Variants in PAK4 observed in about 807,000 individuals in gnomAD.
PAK4 encodes the protein serine/threonine-protein kinase PAK 4.
A neutral mutation model predicts 53.5 loss-of-function variants in PAK4; 49 were observed. The ratio of observed to expected loss-of-function variants is 0.92; its 90% CI spans 0.73 to 1.16. PAK4 has a LOEUF of 1.16. Ranked by LOEUF, PAK4 falls within the 50% of genes most tolerant of loss-of-function variation. PAK4 has a pLI of 0.00. For synonymous variants in PAK4, 376 were observed against 375.6 expected (o/e 1.00, Z -0.01); for missense variants, 824 against 850.7 (o/e 0.97, Z 0.39).
chr19:39,135,672 C>G (rs963677890), intron 1 of PAK4, among the ~76,000 whole-genome samples: 7 of 152,006 alleles, frequency 4.6e-5, no homozygotes, highest in African/African-American at 1.7e-4. Flanking sequence ...CGCTGGGGCC[C>G]AGCGACTGAA....
At chr19:39,154,011 G>C (rs961248526) in intron 1 of PAK4, among the ~76,000 whole-genome samples, 1 of 152,144 alleles carries the variant, frequency 6.6e-6, no homozygotes, top group Admixed American at 6.5e-5. Flanking sequence ...AGTATTGTTC[G>C]ATGTTTTTGC....
intron 1 of PAK4, among the ~76,000 whole-genome samples, chr19:39,136,989 C>T (rs540675956): frequency 1.3e-3 from 200 of 152,184 alleles, no homozygotes; most frequent in Middle Eastern, 6.8e-3. Flanking sequence ...ACAGGTAGGT[C>T]GGTTCTTGGG....
chr19:39,162,365 C>T (rs1203226019), intron 1 of PAK4, among the ~76,000 whole-genome samples: 1 of 152,210 alleles, frequency 6.6e-6, no homozygotes, highest in Non-Finnish European at 1.5e-5. Context: ...GGGTGATTCT[C>T]CCGCCTCAGC....
chr19:39,132,795 T>C (rs1260047098), intron 1 of PAK4, among the ~76,000 whole-genome samples: 1 of 152,242 alleles, frequency 6.6e-6, no homozygotes, highest in Non-Finnish European at 1.5e-5. Flanking sequence ...CACCGGGGTT[T>C]CCTCACTCCC....
intron 1 of PAK4, among the ~76,000 whole-genome samples, chr19:39,149,975 T>C (rs2074066605): frequency 6.6e-6 from 1 of 152,234 alleles, no homozygotes; most frequent in African/African-American, 2.4e-5. Context: ...ATAGTTTTTG[T>C]TGGAATGATA....
intron 2 of PAK4, among the ~76,000 whole-genome samples, chr19:39,170,652 G>T (rs1011134773): frequency 3.3e-5 from 5 of 152,238 alleles, no homozygotes; most frequent in African/African-American, 1.2e-4. Context: ...GTGGAGATGG[G>T]TGTGCCTGGG....
At chr19:39,163,574 G>A (rs2074319562) in intron 1 of PAK4, among the ~76,000 whole-genome samples, 1 of 152,212 alleles carries the variant, frequency 6.6e-6, no homozygotes, top group Admixed American at 6.5e-5. Context: ...TGGAAAATCT[G>A]AAGTGTCTGC....
In PAK4 at chr19:39,155,772, C is replaced by T. The variant is rs910494866; in HGVS notation, c.-22-13760C>T. ...GGAGTCCCAGCGCCTGACCTCCCCT[C>T]GGGCATCAAGTCACTCCGCCTCTCC... On this transcript the variant is annotated intron_variant, in intron 1 of 8. Coordinates refer to ENST00000358301, the Ensembl canonical transcript of PAK4. 1.6e-4 allele frequency among the ~76,000 whole-genome samples: 25 copies of T among 152,260 alleles called. 1 individual carries two copies. The highest frequency in any genetic ancestry group is 9.1e-4 in the Admixed American group (14 of 15,304).
intron 1 of PAK4, among the ~76,000 whole-genome samples, chr19:39,162,836 G>A (rs1298135337): frequency 6.6e-6 from 1 of 152,180 alleles, no homozygotes; most frequent in East Asian, 1.9e-4. Context: ...GTGGGTGGGT[G>A]TGATCGGGTC....
In PAK4 at chr19:39,178,469, G is replaced by A. The variant is rs1470273258; in HGVS notation, c.1666G>A (p.Asp556Asn). Residue 556 changes from aspartate to asparagine, a missense_variant, in exon 9 of 9, where the codon GAC (aspartate) becomes AAC (asparagine). By Grantham distance (23) the Asp-to-Asn change is conservative. Coordinates refer to ENST00000358301, the Ensembl canonical transcript of PAK4. This position sits in a 1 kb window ranked among gnomAD's most constrained non-coding sequence, Gnocchi z 4.4. ...CTTCCTGGACCGCCTGCTGGTGCGA[G>A]ACCCTGCCCAGCGGGCCACGGCAGC... 1.2e-6 allele frequency: 2 copies of A among 1,607,528 alleles called. No individual in the cohort carries two copies. Among genetic ancestry groups the A allele is most frequent in the African/African-American group, 2.7e-5 (2 of 74,756 alleles).
intron 1 of PAK4, among the ~76,000 whole-genome samples, chr19:39,142,716 G>T (rs892010259): frequency 6.6e-6 from 1 of 152,188 alleles, no homozygotes; most frequent in Non-Finnish European, 1.5e-5. Flanking sequence ...TCCGCATCGC[G>T]TGGTGGTGAC....
At chr19:39,144,135 G>T (rs2073958877) in intron 1 of PAK4, among the ~76,000 whole-genome samples, 1 of 85,174 alleles carries the variant, frequency 1.2e-5, no homozygotes, top group African/African-American at 3.5e-5. Flanking sequence ...CAGACAGACA[G>T]ACAGACAGAT....
rs1029267817 is a variant in PAK4, at chr19:39,175,675, TGGGCCCA to T, written c.1359+241_1359+247del. 1.4e-4 allele frequency among the ~76,000 whole-genome samples: 21 copies of T among 152,120 alleles called. No homozygotes were observed. Among genetic ancestry groups the T allele is most frequent in the African/African-American group, 4.8e-4 (20 of 41,508 alleles). The stretch of plus-strand genomic sequence containing the variant: ...GGGCTCTGCCATCAGCACAGGACAC[TGGGCCCA>T]GGGGCAGGGATCTGGGCAGACAGCG... On this transcript the variant is annotated intron_variant, in intron 6 of 8. Transcript: ENST00000358301. The surrounding 1 kb of genome is among the most constrained non-coding windows in gnomAD (Gnocchi z 4.7).
intron 1 of PAK4, among the ~76,000 whole-genome samples, chr19:39,131,314 T>G (rs2073706089): frequency 6.6e-6 from 1 of 152,132 alleles, no homozygotes; most frequent in South Asian, 2.1e-4. Flanking sequence ...CTGGGTAGTT[T>G]CTGGGCGCTG....
At chr19:39,137,840 G>A (rs1282927369) in intron 1 of PAK4, among the ~76,000 whole-genome samples, 2 of 151,910 alleles carry the variant, frequency 1.3e-5, no homozygotes, top group African/African-American at 4.8e-5. Context: ...CTAATTTTTT[G>A]TGTTTTTAAT....
At chr19:39,130,685 CA>C (rs950762947) in intron 1 of PAK4, among the ~76,000 whole-genome samples, 2 of 150,630 alleles carry the variant, frequency 1.3e-5, no homozygotes, top group Admixed American at 6.6e-5. Flanking sequence ...AATAAAAAAG[CA>C]AAAAAAAGAA....
intron 1 of PAK4, among the ~76,000 whole-genome samples, chr19:39,158,449 C>T (rs979417147): frequency 6.6e-6 from 1 of 152,196 alleles, no homozygotes; most frequent in African/African-American, 2.4e-5. Context: ...ACATCACCCC[C>T]TTCCCCCTGC....
chr19:39,137,273 T>TG (rs1404571857), intron 1 of PAK4, among the ~76,000 whole-genome samples: 1 of 152,162 alleles, frequency 6.6e-6, no homozygotes, highest in Non-Finnish European at 1.5e-5. Flanking sequence ...TGGAGCCATC[T>TG]GGGGCACCCC....
In PAK4 at chr19:39,141,984, C is replaced by CT. The variant is rs934644931; in HGVS notation, c.-23+16073dup. 5.9e-5 allele frequency among the ~76,000 whole-genome samples: 9 copies of CT among 152,026 alleles called. No individual in the cohort carries two copies. In the South Asian group the frequency reaches 8.3e-4, roughly 14 times the overall value. ...CACTTTGCATCCGGTTGATAGGCCT[C>CT]TTTTTTTTGTTTTGTTTTGTTCCCT... On this transcript the variant is annotated intron_variant, in intron 1 of 8. Transcript: ENST00000358301.
Sources: gnomAD v4.1 joint callset for allele counts (sites outside exome capture counted in the v4.1 genomes callset) on GRCh38, gnomAD v4.1.1 for gene constraint, Gnocchi (gnomAD v3.1) non-coding constraint, MANE v1.5 for transcripts, NCBI Gene and HGNC (gene_info 2026-07-23, HGNC 2026-07-21) for gene names.